SSB: variants seen among roughly 807,000 people sequenced by gnomAD.
The protein encoded by SSB is small RNA binding exonuclease protection factor La, also known as lupus La protein.
Under a neutral mutation model 52.9 loss-of-function variants are expected in SSB, and 17 were observed. That is an observed-to-expected ratio of 0.32 (90% CI 0.22 to 0.48). The LOEUF (loss-of-function observed/expected upper bound fraction) is 0.48, where lower values mean the gene tolerates loss of function less well. SSB is among the 20% of genes least tolerant of loss of function. SSB has a pLI of 0.99. For missense variants in SSB, 314 were observed against 463.6 expected, an observed-to-expected ratio of 0.68 and a Z score of 2.96; for synonymous variants, 111 against 152.1, an observed-to-expected ratio of 0.73 and a Z score of 1.99.
At chr2:169,806,118 A>T (rs951414798) in intron 4 of SSB, 1 of 385,918 alleles carries the variant, frequency 2.6e-6, no homozygotes, top group African/African-American at 2.1e-5. Context: ...CTACAGGTGC[A>T]TGCTACCATG....
chr2:169,800,263 G>T lies in SSB; in HGVS notation c.-9-689G>T, dbSNP rs767293719. ...AAAAGAAATGAGGCCGGGCGCGGTG[G>T]CTCACACCTGTAATCCCAGCACTTT... is the stretch of plus-strand genomic sequence containing the variant. On this transcript the variant is annotated intron_variant, in intron 1 of 11. Transcript: ENST00000260956. Among the ~76,000 whole-genome samples the T allele has an allele frequency of 8.9e-4, 136 of 152,286 alleles. 1 individual carries two copies. Among genetic ancestry groups the T allele is most frequent in the Middle Eastern group, 3.4e-3 (1 of 294 alleles).
chr2:169,806,773 C>A lies in SSB; in HGVS notation c.346-12C>A. ...TATTTGTTATTTGTACATTTCTTCCCACTCTTCACAGAAAGGCTTCCCAAC... is the reference window on the plus strand; with the variant it reads ...TATTTGTTATTTGTACATTTCTTCCAACTCTTCACAGAAAGGCTTCCCAAC... On this transcript the variant is annotated splice_polypyrimidine_tract_variant and intron_variant, in intron 4 of 11. Coordinates refer to ENST00000260956, the MANE Select transcript of SSB (RefSeq NM_003142.5). The A allele has an allele frequency of 6.3e-7, 1 of 1,581,584 alleles. No individual in the cohort carries two copies. The highest frequency in any genetic ancestry group is 8.6e-7 in the Non-Finnish European group (1 of 1,162,342).
At chr2:169,809,196 T>G (rs1343131579) in intron 8 of SSB, among the ~76,000 whole-genome samples, 3 of 152,188 alleles carry the variant, frequency 2.0e-5, no homozygotes, top group African/African-American at 7.2e-5. Flanking sequence ...GCCTGGCCAA[T>G]ATGGTGAAAC....
intron 6 of SSB, among the ~76,000 whole-genome samples, chr2:169,807,496 C>G (rs1487261120): frequency 1.3e-5 from 2 of 152,058 alleles, no homozygotes; most frequent in African/African-American, 2.4e-5. Context: ...ACCATGTTGG[C>G]CAGGCTGGTC....
Position 169,800,936 on chromosome 2 carries a change from T to G in SSB, c.-9-16T>G. ...ATATAAAAAATAACTTTATGCTAAT[T>G]TGGGAAATTTTACAGATAGCCGCAA... On this transcript the variant is annotated splice_polypyrimidine_tract_variant and intron_variant, in intron 1 of 11. Transcript: ENST00000260956. 6.4e-7 allele frequency: 1 copy of G among 1,569,286 alleles called. No homozygotes were observed. The highest frequency in any genetic ancestry group is 8.6e-7 in the Non-Finnish European group (1 of 1,163,004).
intron 2 of SSB, 25 bp downstream of exon 2, chr2:169,801,051 C>A: frequency 6.5e-7 from 1 of 1,535,182 alleles, no homozygotes; most frequent in Non-Finnish European, 8.8e-7. Flanking sequence ...CTATAAACTG[C>A]AAAAACAAGT....
intron 8 of SSB, chr2:169,810,012 G>T (rs1020922658): frequency 4.9e-6 from 1 of 204,166 alleles, no homozygotes; most frequent in Non-Finnish European, 9.6e-6. Context: ...TTAAATACCA[G>T]TTGTATAAGA....
At chr2:169,809,009 AGTT>A (rs1404554048) in intron 8 of SSB, 107 bp downstream of exon 8, 3 of 874,164 alleles carry the variant, frequency 3.4e-6, no homozygotes, top group Non-Finnish European at 5.8e-6. Flanking sequence ...AGCTATCTAT[AGTT>A]GTTATTGCAT....
At chr2:169,803,964 T>G (rs1364002805) in intron 2 of SSB, among the ~76,000 whole-genome samples, 1 of 152,034 alleles carries the variant, frequency 6.6e-6, no homozygotes, top group African/African-American at 2.4e-5. Flanking sequence ...TTGTCGAACT[T>G]CTGGCCTCAA....
intron 6 of SSB, 42 bp downstream of exon 6, chr2:169,807,113 A>G (rs1689845791): frequency 2.0e-6 from 3 of 1,511,020 alleles, no homozygotes; most frequent in African/African-American, 1.4e-5. Context: ...TTTTACTTAT[A>G]TGGACACACA....
chr2:169,809,818 A>T (rs897877129), intron 8 of SSB, among the ~76,000 whole-genome samples: 1 of 151,678 alleles, frequency 6.6e-6, no homozygotes, highest in Admixed American at 6.6e-5. Flanking sequence ...GGGTTTCACC[A>T]TGTTAGCCAG....
At chr2:169,806,395 G>A (rs1156554191) in intron 4 of SSB, among the ~76,000 whole-genome samples, 1 of 152,120 alleles carries the variant, frequency 6.6e-6, no homozygotes, top group East Asian at 1.9e-4. Context: ...CCTATTAGCT[G>A]TTCTTATTTA....
At chr2:169,800,775 A>G (rs542351164) in intron 1 of SSB, among the ~76,000 whole-genome samples, 177 bp from the exon 2 acceptor site, 2 of 152,322 alleles carry the variant, frequency 1.3e-5, no homozygotes, top group East Asian at 3.9e-4. Flanking sequence ...TTCATCACTT[A>G]TTCCAAAGTG....
chr2:169,811,173 G>T lies in SSB; in HGVS notation c.998-10G>T. On this transcript the variant is annotated splice_polypyrimidine_tract_variant and intron_variant, in intron 10 of 11. Transcript: ENST00000260956. ...AGTTCTTTACAGAGTGCTCAATTGT[G>T]TCTCTACAGGTCGTAGATTTAAAGG... is the stretch of plus-strand genomic sequence containing the variant. The T allele has an allele frequency of 6.2e-7, 1 of 1,604,676 alleles. No homozygotes were observed. Among genetic ancestry groups the T allele is most frequent in the Non-Finnish European group, 8.5e-7 (1 of 1,178,112 alleles).
At chr2:169,801,509 GTTTTT>G (rs79940369) in intron 2 of SSB, among the ~76,000 whole-genome samples, 1 of 73,666 alleles carries the variant, frequency 1.4e-5, no homozygotes, top group African/African-American at 5.2e-5. Context: ...CTTTAATATA[GTTTTT>G]TTTTTTTTTT....
chr2:169,805,806 T>C lies in SSB; in HGVS notation c.312T>C (p.Tyr104=), dbSNP rs1689817322. The C allele has an allele frequency of 2.5e-6, 4 of 1,613,766 alleles. No individual in the cohort carries two copies. The East Asian group carries it at 8.9e-5, about 36-fold the overall frequency. Residue 104 remains tyrosine, a synonymous_variant, in exon 4 of 12, where the codon TAT becomes TAC. Transcript: ENST00000260956. ...CCCTACCTGAAGTGACTGATGAGTA[T>C]AAAAATGATGTAAAAAACAGATCTG... ...SKPLPEVTDE[Y]KNDVKNRSVY...
intron 1 of SSB, 21 bp from the exon 2 acceptor site, chr2:169,800,931 C>A: frequency 6.4e-7 from 1 of 1,561,394 alleles, no homozygotes; most frequent in Non-Finnish European, 8.6e-7. Flanking sequence ...TAACTTTATG[C>A]TAATTTGGGA....
chr2:169,806,688 TG>T (rs1384980979), intron 4 of SSB, 96 bp from the exon 5 acceptor site: 2 of 980,222 alleles, frequency 2.0e-6, no homozygotes, highest in Admixed American at 4.5e-5. Context: ...AGGTATATCC[TG>T]GGTTCATTTC....
rs533495383 is a variant in SSB at position 169,809,254 on chromosome 2, G to A, written c.669+352G>A. On this transcript the variant is annotated intron_variant, in intron 8 of 11. Coordinates refer to ENST00000260956, the MANE Select transcript of SSB (RefSeq NM_003142.5). ...AAATTAGCCAGGCGTGGTGGTGCAT[G>A]CCTGTAATCCCAGCTATGTGGGAGG... Among the ~76,000 whole-genome samples, 11 of 152,314 alleles carry A rather than the reference G, an allele frequency of 7.2e-5. No homozygotes were observed. In the South Asian group the frequency reaches 1.0e-3, roughly 14 times the overall value.
Sources: allele counts gnomAD v4.1 joint callset (sites outside exome capture counted in the v4.1 genomes callset), GRCh38; gene constraint gnomAD v4.1.1; transcripts MANE v1.5; gene names NCBI Gene and HGNC (gene_info 2026-07-23, HGNC 2026-07-21).